The following SNX1 variants were observed in gnomAD, a reference collection of about 807,000 sequenced individuals.
The protein encoded by SNX1 is sorting nexin 1, also known as sorting nexin-1.
In SNX1, 36 loss-of-function variants were observed where a neutral mutation model predicts 71.8. The observed-to-expected ratio is 0.50, with a 90% confidence interval of 0.38 to 0.66. The LOEUF (loss-of-function observed/expected upper bound fraction) is 0.66. SNX1 is among the 30% of genes least tolerant of loss of function. SNX1 has a pLI of 0.00. For missense variants in SNX1, 612 were observed against 646.7 expected (o/e 0.95, Z 0.58); for synonymous variants, 254 against 240.7 (o/e 1.06, Z -0.51).
intron 1 of SNX1, among the ~76,000 whole-genome samples, chr15:64,102,877 C>A (rs1296914963): frequency 1.3e-5 from 2 of 150,630 alleles, no homozygotes; most frequent in Non-Finnish European, 3.0e-5. Flanking sequence ...GGTGATCCTC[C>A]CATCATAGCC....
chr15:64,099,314 G>A (rs546609960), intron 1 of SNX1, among the ~76,000 whole-genome samples: 2 of 152,268 alleles, frequency 1.3e-5, no homozygotes, highest in East Asian at 3.9e-4. Flanking sequence ...TGCCTGTAAA[G>A]TGCTTAGAAG....
intron 4 of SNX1, among the ~76,000 whole-genome samples, chr15:64,119,441 C>T (rs2081168823): frequency 6.6e-6 from 1 of 152,046 alleles, no homozygotes; most frequent in Admixed American, 6.5e-5. Context: ...TTTTAAAAAC[C>T]CCAACAGGCC....
intron 13 of SNX1, among the ~76,000 whole-genome samples, chr15:64,136,657 G>A (rs1358861184): frequency 1.3e-5 from 2 of 152,186 alleles, no homozygotes; most frequent in African/African-American, 2.4e-5. Flanking sequence ...GTCCCCTGTC[G>A]TTTCTCCTCC....
chr15:64,119,086 A>G (rs1022692095), intron 4 of SNX1, among the ~76,000 whole-genome samples: 2 of 151,826 alleles, frequency 1.3e-5, no homozygotes, highest in African/African-American at 4.9e-5. Flanking sequence ...GAGTCATCAA[A>G]TACTACTAGA....
chr15:64,102,761 CTTTTTTTTTTT>C (rs60616312), intron 1 of SNX1, among the ~76,000 whole-genome samples: 10 of 76,428 alleles, frequency 1.3e-4, no homozygotes, highest in African/African-American at 2.1e-4. Flanking sequence ...ACCACGCCTT[CTTTTTTTTTTT>C]TTTTTTTTTT....
intron 2 of SNX1, among the ~76,000 whole-genome samples, chr15:64,116,129 GTATTA>G (rs2081126466): frequency 6.6e-6 from 1 of 152,184 alleles, no homozygotes. Flanking sequence ...TATGTTACAT[GTATTA>G]TATACTGTAT....
intron 1 of SNX1, among the ~76,000 whole-genome samples, chr15:64,098,172 G>T (rs1348028204): frequency 1.3e-5 from 2 of 152,082 alleles, no homozygotes; most frequent in Non-Finnish European, 2.9e-5. Context: ...AATTCTTGCC[G>T]CTAATTTAGT....
In SNX1 at chr15:64,098,689, CAAAAAA is replaced by C. The variant is rs11448636; in HGVS notation, c.159+2531_159+2536del. The stretch of plus-strand genomic sequence containing the variant: ...TAGGTGACACAGCAAGACTCTCTCT[CAAAAAA>C]AAAAAAAAAAAAAGTAGAAATTTAA... On this transcript the variant is annotated intron_variant, in intron 1 of 14. Transcript: ENST00000559844. Among the ~76,000 whole-genome samples the C allele has an allele frequency of 9.8e-4, 98 of 100,294 alleles. 1 individual carries two copies. Among genetic ancestry groups the C allele is most frequent in the South Asian group, 3.0e-4 (1 of 3,360 alleles). The allele number at this position is 100,294 out of a possible 152,430, so 65.8% of individuals were successfully genotyped here.
intron 2 of SNX1, chr15:64,115,574 T>C: frequency 2.3e-6 from 1 of 426,608 alleles, no homozygotes; most frequent in Non-Finnish European, 4.6e-6. Flanking sequence ...TTTTTTTTTT[T>C]TTTTTTTGAG....
chr15:64,102,276 T>TA lies in SNX1; in HGVS notation c.159+6105dup, dbSNP rs1399631353. ...TTGTCTTTTTTGTATTTTTTATTGA[T>TA]ATAGTTGTACATATTTTTAGGATAC... On this transcript the variant is annotated intron_variant, in intron 1 of 14. Transcript: ENST00000559844. 5.9e-5 allele frequency among the ~76,000 whole-genome samples: 9 copies of TA among 152,320 alleles called. No individual in the cohort carries two copies. In the East Asian group the frequency reaches 1.5e-3, roughly 26 times the overall value.
chr15:64,100,706 T>C (rs573499491), intron 1 of SNX1, among the ~76,000 whole-genome samples: 2 of 152,192 alleles, frequency 1.3e-5, no homozygotes, highest in African/African-American at 4.8e-5. Flanking sequence ...ATGTAAGTTA[T>C]GTATTAACAT....
Position 64,138,121 on chromosome 15 carries a change from T to C in SNX1, c.*503T>C, listed in dbSNP as rs1014846596. 1 of 1,535,792 alleles carries C rather than the reference T, an allele frequency of 6.5e-7. No homozygotes were observed. Among genetic ancestry groups the C allele is most frequent in the Non-Finnish European group, 8.7e-7 (1 of 1,146,860 alleles). Reference sequence around the variant, plus strand: ...AGGTATAGTAAGTTTTTCTCTACCGTTCACAAGTTTTGTGCTGCTGCTTCC... The same window carrying C: ...AGGTATAGTAAGTTTTTCTCTACCGCTCACAAGTTTTGTGCTGCTGCTTCC... On this transcript the variant is annotated 3_prime_UTR_variant, in exon 15 of 15. Transcript: ENST00000559844.
In SNX1 at chr15:64,142,551, C is replaced by T. The variant is rs1312735501; in HGVS notation, c.*4933C>T. 1 of 446,960 alleles carries T rather than the reference C, an allele frequency of 2.2e-6. No homozygotes were observed. The highest frequency in any genetic ancestry group is 4.5e-6 in the Non-Finnish European group (1 of 221,596). The allele number at this position is 446,960 out of a possible 1,614,324, so 27.7% of individuals were successfully genotyped here. On this transcript the variant is annotated 3_prime_UTR_variant, in exon 15 of 15. Coordinates refer to ENST00000559844, the MANE Select transcript of SNX1 (RefSeq NM_003099.5). ...TCAGAGGGTGCCTCACTGCTGAGGC[C>T]ACAGGAAAGAATCTGTAGGTGGAGG...
At chr15:64,114,870 G>C (rs1030402422) in intron 2 of SNX1, among the ~76,000 whole-genome samples, 1 of 152,116 alleles carries the variant, frequency 6.6e-6, no homozygotes, top group African/African-American at 2.4e-5. Context: ...GGCCAGGCAC[G>C]GTGGCTCAGG....
chr15:64,131,817 G>A lies in SNX1; in HGVS notation c.1146G>A (p.Gln382=), dbSNP rs1195634279. The A allele has an allele frequency of 1.9e-6, 3 of 1,614,074 alleles. No individual in the cohort carries two copies. The highest frequency in any genetic ancestry group is 2.7e-5 in the African/African-American group (2 of 74,918). ...AAGAAAAAATTGAGCAGCTCCACCA[G>A]GAACAGGCCAACAATGACTTCTTCC... ...EVEEKIEQLH[Q]EQANNDFFLL... Residue 382 remains glutamine, a synonymous_variant, in exon 11 of 15, where the codon CAG becomes CAA. Transcript: ENST00000559844.
intron 4 of SNX1, among the ~76,000 whole-genome samples, chr15:64,122,135 T>A (rs761451621): frequency 1.3e-5 from 2 of 152,226 alleles, no homozygotes; most frequent in Non-Finnish European, 2.9e-5. Flanking sequence ...TTTTCTGTTT[T>A]CTCTGTGTTT....
At chr15:64,126,367 T>G in intron 6 of SNX1, 147 bp downstream of exon 6, 1 of 941,974 alleles carries the variant, frequency 1.1e-6, no homozygotes, top group Non-Finnish European at 1.5e-6. Context: ...ACACTGGAGG[T>G]CTAGAGAAAA....
chr15:64,120,294 C>T (rs577806089), intron 4 of SNX1, among the ~76,000 whole-genome samples: 20 of 92,710 alleles, frequency 2.2e-4, no homozygotes, highest in Non-Finnish European at 3.4e-4. Context: ...TTTTTTGAGA[C>T]GGGGTCTCAC....
At chr15:64,113,858 A>AG in intron 2 of SNX1, among the ~76,000 whole-genome samples, 1 of 151,968 alleles carries the variant, frequency 6.6e-6, no homozygotes, top group African/African-American at 2.4e-5. Context: ...AGAGAGAGAG[A>AG]AAGAAAGTGA....
Sources: allele counts gnomAD v4.1 joint callset (sites outside exome capture counted in the v4.1 genomes callset), GRCh38; gene constraint gnomAD v4.1.1; transcripts MANE v1.5; gene names NCBI Gene and HGNC (gene_info 2026-07-23, HGNC 2026-07-21).